The following ULK4 variants were observed in gnomAD, a reference collection of about 807,000 sequenced individuals.
ULK4 encodes the protein inactive serine/threonine-protein kinase ULK4.
In ULK4, 133 loss-of-function variants were observed where a neutral mutation model predicts 160.6. The observed-to-expected ratio is 0.83, with a 90% CI of 0.72 to 0.96. The LOEUF is 0.96. Ranked by LOEUF, ULK4 falls within the 40% of genes least tolerant of loss-of-function variation. ULK4 has a pLI of 0.00. For missense variants in ULK4, 1,580 were observed against 1,499.5 expected (o/e 1.05, Z -0.89); for synonymous variants, 534 against 539.8 (o/e 0.99, Z 0.15).
intron 19 of ULK4, among the ~76,000 whole-genome samples, chr3:41,803,052 C>G (rs1222226410): frequency 6.6e-6 from 1 of 151,938 alleles, no homozygotes; most frequent in African/African-American, 2.4e-5. Context: ...ATAATCCTAG[C>G]TACTCAGGAG....
intron 19 of ULK4, among the ~76,000 whole-genome samples, chr3:41,812,879 T>C (rs543910084): frequency 1.3e-5 from 2 of 152,306 alleles, no homozygotes; most frequent in South Asian, 2.1e-4. Flanking sequence ...GCTGAGAAAG[T>C]TGTCTTTTTG....
chr3:41,276,625 G>T (rs971683539), intron 35 of ULK4, among the ~76,000 whole-genome samples: 1 of 152,182 alleles, frequency 6.6e-6, no homozygotes, highest in African/African-American at 2.4e-5. Flanking sequence ...ATTCTGCAAG[G>T]AAACAGCTAA....
chr3:41,937,089 T>C (rs1020828389), intron 3 of ULK4: 14 of 438,234 alleles, frequency 3.2e-5, no homozygotes, highest in African/African-American at 2.7e-4. Context: ...CCAAATTCAG[T>C]AAAAGTAAAG....
At chr3:41,340,686 G>T (rs1358028475) in intron 35 of ULK4, among the ~76,000 whole-genome samples, 3 of 152,216 alleles carry the variant, frequency 2.0e-5, no homozygotes, top group Non-Finnish European at 2.9e-5. Flanking sequence ...GGACAGGACA[G>T]ATATGAACAT....
At chr3:41,707,462 A>G (rs952631467) in intron 25 of ULK4, among the ~76,000 whole-genome samples, 5 of 152,218 alleles carry the variant, frequency 3.3e-5, no homozygotes, top group Non-Finnish European at 4.4e-5. Context: ...TGTAAACCAC[A>G]TATCTATGAG....
chr3:41,502,800 ATTCAC>A (rs2085255920), intron 32 of ULK4, among the ~76,000 whole-genome samples: 1 of 152,194 alleles, frequency 6.6e-6, no homozygotes, highest in Non-Finnish European at 1.5e-5. Context: ...GGTTGAGGGA[ATTCAC>A]TTCAAGGGAC....
At chr3:41,803,887 G>A (rs979544139) in intron 19 of ULK4, among the ~76,000 whole-genome samples, 6 of 152,144 alleles carry the variant, frequency 3.9e-5, no homozygotes, top group African/African-American at 1.4e-4. Flanking sequence ...GTCTATCATT[G>A]TTGGACATTT....
chr3:41,576,109 G>GA (rs758974356), intron 31 of ULK4, among the ~76,000 whole-genome samples: 1 of 152,134 alleles, frequency 6.6e-6, no homozygotes, highest in South Asian at 2.1e-4. Context: ...GAGGACAAAT[G>GA]AAAAAATAGA....
At chr3:41,803,825 T>C (rs1187449896) in intron 19 of ULK4, among the ~76,000 whole-genome samples, 1 of 152,226 alleles carries the variant, frequency 6.6e-6, no homozygotes, top group East Asian at 1.9e-4. Context: ...TCATCATTTT[T>C]TATGGCTGCA....
intron 17 of ULK4, among the ~76,000 whole-genome samples, chr3:41,839,551 C>T (rs566580019): frequency 3.4e-4 from 51 of 150,980 alleles, no homozygotes; most frequent in African/African-American, 9.9e-4. Context: ...AGGAATACTA[C>T]GAACAACTGT....
intron 35 of ULK4, among the ~76,000 whole-genome samples, chr3:41,354,575 T>A (rs72864992): frequency 0.17 from 26,479 of 151,974 alleles, 2,776 homozygotes; most frequent in African/African-American, 0.29. Flanking sequence ...AGACTGGGGA[T>A]TCTTTGAGGT....
At chr3:41,636,512 C>A (rs959008313) in intron 30 of ULK4, among the ~76,000 whole-genome samples, 1 of 146,382 alleles carries the variant, frequency 6.8e-6, no homozygotes, top group Non-Finnish European at 1.5e-5. Flanking sequence ...CTAGCCTGGT[C>A]GACAGAGCAA....
intron 20 of ULK4, among the ~76,000 whole-genome samples, chr3:41,790,287 GTAT>G (rs2040111811): frequency 6.6e-6 from 1 of 152,186 alleles, no homozygotes; most frequent in African/African-American, 2.4e-5. Context: ...GAGAAAGGTA[GTAT>G]TATTATCCTC....
chr3:41,633,181 C>T (rs1221664628), intron 30 of ULK4, among the ~76,000 whole-genome samples: 2 of 152,196 alleles, frequency 1.3e-5, no homozygotes, highest in African/African-American at 4.8e-5. Flanking sequence ...TGAACATTAT[C>T]CTTCAGGTCA....
intron 35 of ULK4, among the ~76,000 whole-genome samples, chr3:41,306,012 C>T (rs1162630450): frequency 1.3e-5 from 2 of 148,568 alleles, no homozygotes; most frequent in Non-Finnish European, 3.0e-5. Flanking sequence ...AGTAAGGAGC[C>T]CCTCCGCCTG....
chr3:41,539,639 C>G (rs147300571), intron 32 of ULK4, among the ~76,000 whole-genome samples: 174 of 152,146 alleles, frequency 1.1e-3, no homozygotes, highest in African/African-American at 3.8e-3. Flanking sequence ...AAGTAAGGAC[C>G]CTGACAATTA....
At chr3:41,620,957 C>T (rs2033215162) in intron 30 of ULK4, among the ~76,000 whole-genome samples, 1 of 152,116 alleles carries the variant, frequency 6.6e-6, no homozygotes, top group Non-Finnish European at 1.5e-5. Flanking sequence ...CACAAGCATT[C>T]CCATACACTA....
intron 31 of ULK4, among the ~76,000 whole-genome samples, chr3:41,569,801 G>A (rs1272830827): frequency 6.6e-6 from 1 of 150,620 alleles, no homozygotes; most frequent in Non-Finnish European, 1.5e-5. Flanking sequence ...TTTTTTTTGA[G>A]TTAGTCATTA....
intron 12 of ULK4, among the ~76,000 whole-genome samples, chr3:41,906,692 C>T (rs1287704170): frequency 1.3e-5 from 2 of 151,858 alleles, no homozygotes; most frequent in Admixed American, 1.3e-4. Flanking sequence ...TTGGATAAAT[C>T]TTGAAAATAT....
Sources: allele counts gnomAD v4.1 joint callset (sites outside exome capture counted in the v4.1 genomes callset), GRCh38; gene constraint gnomAD v4.1.1; transcripts MANE v1.5; gene names NCBI Gene and HGNC (gene_info 2026-07-23, HGNC 2026-07-21).